Variants in PTPRJ observed in about 807,000 individuals in gnomAD.
PTPRJ encodes the protein protein tyrosine phosphatase receptor type J.
A neutral mutation model predicts 141.3 loss-of-function variants in PTPRJ; 129 were observed. The observed-to-expected ratio is 0.91, with a 90% CI of 0.79 to 1.06. PTPRJ has a LOEUF of 1.06. Ranked by LOEUF, PTPRJ falls within the 50% of genes least tolerant of loss-of-function variation. PTPRJ has a pLI of 0.00. For missense variants in PTPRJ, 1,601 were observed against 1,679.7 expected (o/e 0.95, Z 0.82); for synonymous variants, 610 against 640.5 (o/e 0.95, Z 0.72).
chr11:48,035,754 T>G (rs1268594257), intron 1 of PTPRJ, among the ~76,000 whole-genome samples: 1 of 152,084 alleles, frequency 6.6e-6, no homozygotes, highest in Non-Finnish European at 1.5e-5. Context: ...GCTGAAAAAC[T>G]TCAGTGTTAG....
At chr11:48,022,773 G>A (rs1853687806) in intron 1 of PTPRJ, among the ~76,000 whole-genome samples, 2 of 152,170 alleles carry the variant, frequency 1.3e-5, no homozygotes, top group Non-Finnish European at 2.9e-5. Context: ...TTTGGATTTT[G>A]GTTTGTGGGA....
chr11:48,032,112 C>T (rs1011590852), intron 1 of PTPRJ, among the ~76,000 whole-genome samples: 1 of 152,166 alleles, frequency 6.6e-6, no homozygotes, highest in African/African-American at 2.4e-5. Context: ...GCTGCTACTG[C>T]GTCCAGCTGG....
At chr11:48,122,913 G>A (rs1856742122) in intron 4 of PTPRJ, among the ~76,000 whole-genome samples, 1 of 152,150 alleles carries the variant, frequency 6.6e-6, no homozygotes, top group Non-Finnish European at 1.5e-5. Flanking sequence ...GCAGCCCTGG[G>A]TTCTCCTGTC....
At chr11:48,130,315 T>C in intron 7 of PTPRJ, 144 bp from the exon 8 acceptor site, 3 of 800,200 alleles carry the variant, frequency 3.7e-6, no homozygotes, top group Non-Finnish European at 5.7e-6. Flanking sequence ...GAGGGGCTCA[T>C]GTTGTAGGTG....
At chr11:48,029,597 T>C (rs1407427462) in intron 1 of PTPRJ, among the ~76,000 whole-genome samples, 1 of 152,254 alleles carries the variant, frequency 6.6e-6, no homozygotes, top group Non-Finnish European at 1.5e-5. Flanking sequence ...AGTTAGTTGG[T>C]ATGAAATTCT....
intron 1 of PTPRJ, among the ~76,000 whole-genome samples, chr11:48,040,236 A>G (rs1190036367): frequency 1.3e-5 from 2 of 152,240 alleles, no homozygotes; most frequent in Non-Finnish European, 2.9e-5. Context: ...TTGCTAAACA[A>G]CACAGCACCA....
intron 1 of PTPRJ, among the ~76,000 whole-genome samples, chr11:48,102,603 G>T (rs1856176564): frequency 6.6e-6 from 1 of 151,784 alleles, no homozygotes; most frequent in South Asian, 2.1e-4. Context: ...GTAGAGACGG[G>T]GTTTCACCAT....
intron 8 of PTPRJ, among the ~76,000 whole-genome samples, chr11:48,134,645 C>T (rs1228766176): frequency 1.3e-5 from 2 of 152,046 alleles, no homozygotes; most frequent in African/African-American, 4.8e-5. Context: ...TTGTCCCCTA[C>T]CTGCCCATTT....
At chr11:48,025,760 G>A (rs1269038166) in intron 1 of PTPRJ, among the ~76,000 whole-genome samples, 1 of 152,168 alleles carries the variant, frequency 6.6e-6, no homozygotes, top group Non-Finnish European at 1.5e-5. Flanking sequence ...GTGCCCTTTA[G>A]GCGCTCTAAA....
chr11:48,027,250 G>A (rs2930196), intron 1 of PTPRJ, among the ~76,000 whole-genome samples: 44,302 of 150,940 alleles, frequency 0.29, 7,158 homozygotes, highest in African/African-American at 0.43. Flanking sequence ...CTTGTCATCC[G>A]CATGCCTCGG....
chr11:48,111,921 T>C (rs1590516387), intron 2 of PTPRJ, among the ~76,000 whole-genome samples: 1 of 152,006 alleles, frequency 6.6e-6, no homozygotes, highest in Admixed American at 6.6e-5. Flanking sequence ...AGACTAAGGC[T>C]GCAGAACTGA....
intron 1 of PTPRJ, among the ~76,000 whole-genome samples, chr11:48,031,769 C>T (rs190786396): frequency 1.1e-4 from 16 of 152,272 alleles, no homozygotes; most frequent in Admixed American, 2.6e-4. Flanking sequence ...TATTCTGCTA[C>T]GGAGAGTGTG....
chr11:48,123,568 T>G (rs1269566491), intron 4 of PTPRJ, 45 bp from the exon 5 acceptor site: 2 of 1,572,150 alleles, frequency 1.3e-6, no homozygotes, highest in Non-Finnish European at 1.7e-6. Flanking sequence ...TGAAGGTGAC[T>G]GCATATATCT....
intron 2 of PTPRJ, among the ~76,000 whole-genome samples, chr11:48,112,293 A>G (rs1417406492): frequency 6.6e-6 from 1 of 152,240 alleles, no homozygotes; most frequent in South Asian, 2.1e-4. Context: ...ACAGCTATGC[A>G]TATACAGGGC....
At chr11:48,160,099 A>G (rs1304575839) in intron 22 of PTPRJ, 50 bp downstream of exon 22, 1 of 1,595,888 alleles carries the variant, frequency 6.3e-7, no homozygotes, top group East Asian at 2.2e-5. Context: ...CCATATGTTA[A>G]TTTGGGGGTG....
At chr11:48,021,176 C>A (rs1442569881) in intron 1 of PTPRJ, among the ~76,000 whole-genome samples, 2 of 152,018 alleles carry the variant, frequency 1.3e-5, no homozygotes, top group African/African-American at 4.8e-5. Context: ...GAGTTTGAGA[C>A]CAGCCTGTCC....
chr11:48,077,495 C>T (rs1855436042), intron 1 of PTPRJ, among the ~76,000 whole-genome samples: 1 of 152,198 alleles, frequency 6.6e-6, no homozygotes, highest in Admixed American at 6.5e-5. Context: ...GAATCCCTCC[C>T]AGTTTTGATG....
chr11:48,077,784 T>C (rs909938187), intron 1 of PTPRJ, among the ~76,000 whole-genome samples: 1 of 152,196 alleles, frequency 6.6e-6, no homozygotes, highest in Non-Finnish European at 1.5e-5. Flanking sequence ...TTAAATCCTT[T>C]AAGGAGACTT....
intron 5 of PTPRJ, 67 bp downstream of exon 5, chr11:48,123,937 AAAAT>A: frequency 6.7e-7 from 1 of 1,493,376 alleles, no homozygotes; most frequent in Non-Finnish European, 9.1e-7. Flanking sequence ...AATGTTCTAA[AAAAT>A]AAATTGCTCT....
Sources: allele counts gnomAD v4.1 joint callset (sites outside exome capture counted in the v4.1 genomes callset), GRCh38; gene constraint gnomAD v4.1.1; transcripts MANE v1.5; gene names NCBI Gene and HGNC (gene_info 2026-07-23, HGNC 2026-07-21).